HRH2: variants seen among roughly 807,000 people sequenced by gnomAD.
HRH2 encodes histamine receptor H2.
Under a neutral mutation model 20.1 loss-of-function variants are expected in HRH2, and 4 were observed. The observed-to-expected ratio is 0.20, with a 90% CI of 0.10 to 0.45. The LOEUF is 0.45. HRH2 is among the 20% of genes least tolerant of loss of function. The pLI, the probability that HRH2 is intolerant of heterozygous loss-of-function variation, is 0.99. For synonymous variants in HRH2, 197 were observed against 200.7 expected (o/e 0.98, Z 0.16); for missense variants, 250 against 461.6 (o/e 0.54, Z 4.20).
intron 1 of HRH2, among the ~76,000 whole-genome samples, 172 bp from the exon 2 acceptor site, chr5:175,682,537 C>G (rs564513736): frequency 4.6e-5 from 7 of 152,140 alleles, no homozygotes; most frequent in Non-Finnish European, 1.0e-4. Flanking sequence ...TCTGCCTCCC[C>G]AGTATGTATC....
At chr5:175,688,379 C>T (rs1367046180) in intron 2 of HRH2, among the ~76,000 whole-genome samples, 1 of 152,174 alleles carries the variant, frequency 6.6e-6, no homozygotes, top group Non-Finnish European at 1.5e-5. Context: ...CCTTTCCTGC[C>T]ACCTCCCCAG....
intron 1 of HRH2, among the ~76,000 whole-genome samples, chr5:175,682,216 G>A (rs2067474): frequency 0.083 from 12,590 of 152,256 alleles, 896 homozygotes; most frequent in African/African-American, 0.18. Context: ...AAAGTTTGTC[G>A]GCCACCGCCT....
In HRH2 at chr5:175,693,056, C is replaced by T. The variant is rs1756441714; in HGVS notation, c.1076+8747C>T. The stretch of plus-strand genomic sequence containing the variant: ...GACCAGACCAGACTTTCTCATTCCC[C>T]TGCCACAGATTGGCTGTGTGAGCTT... On this transcript the variant is annotated intron_variant, in intron 2 of 2. Coordinates refer to ENST00000636584, the MANE Select transcript of HRH2 (RefSeq NM_001367711.1). This position sits in a 1 kb window ranked among gnomAD's most constrained non-coding sequence, Gnocchi z 4.4. Among the ~76,000 whole-genome samples, 1 of 152,222 alleles carries T rather than the reference C, an allele frequency of 6.6e-6. No individual in the cohort carries two copies. The highest frequency in any genetic ancestry group is 6.5e-5 in the Admixed American group (1 of 15,284).
At chr5:175,671,498 G>GCTA (rs1203088576) in intron 1 of HRH2, among the ~76,000 whole-genome samples, 1 of 152,184 alleles carries the variant, frequency 6.6e-6, no homozygotes, top group Non-Finnish European at 1.5e-5. Context: ...GGCCACAGCT[G>GCTA]CTACTGATGG....
At chr5:175,679,496 C>A (rs529097052) in intron 1 of HRH2, among the ~76,000 whole-genome samples, 1 of 152,334 alleles carries the variant, frequency 6.6e-6, no homozygotes, top group South Asian at 2.1e-4. Flanking sequence ...ACAGCATGTG[C>A]AAAGGCACAG....
chr5:175,688,950 G>A (rs185116879), intron 2 of HRH2, among the ~76,000 whole-genome samples: 2 of 152,096 alleles, frequency 1.3e-5, no homozygotes, highest in Non-Finnish European at 2.9e-5. Context: ...CCCAGTCTCC[G>A]GGCGTGGCCC....
chr5:175,700,955 G>A (rs1756772243), intron 2 of HRH2, among the ~76,000 whole-genome samples: 1 of 152,194 alleles, frequency 6.6e-6, no homozygotes, highest in Admixed American at 6.5e-5. Context: ...GGAATTTAAA[G>A]CAGTGGGAAT....
chr5:175,658,703 G>T (rs1427423483), intron 1 of HRH2, among the ~76,000 whole-genome samples: 2 of 150,838 alleles, frequency 1.3e-5, no homozygotes, highest in Non-Finnish European at 2.9e-5. Flanking sequence ...CTGGGCTGCC[G>T]CCCGCTGCCG....
Position 175,684,016 on chromosome 5 carries a change from G to A in HRH2, c.783G>A (p.Gly261=). 6.2e-7 allele frequency: 1 copy of A among 1,614,170 alleles called. No individual in the cohort carries two copies. Among genetic ancestry groups the A allele is most frequent in the East Asian group, 2.2e-5 (1 of 44,880 alleles). The change falls in exon 2 of 3, where the codon GGG becomes GGA. Residue 261 remains glycine (G), a synonymous_variant. Coordinates refer to ENST00000636584, the MANE Select transcript of HRH2 (RefSeq NM_001367711.1). ...CGTTTGTGTACCGTGGGCTGAGAGG[G>A]GATGATGCCATCAATGAGGTGTTAG... The part of the protein sequence containing the change: ...FTAFVYRGLR[G]DDAINEVLEA...
At chr5:175,685,489 A>T (rs950917469) in intron 2 of HRH2, 1 of 1,549,118 alleles carries the variant, frequency 6.5e-7, no homozygotes, top group African/African-American at 1.4e-5. Flanking sequence ...TCATTTGCAA[A>T]CATTCATCCA....
chr5:175,691,888 A>T (rs1329503823), intron 2 of HRH2, among the ~76,000 whole-genome samples: 1 of 151,868 alleles, frequency 6.6e-6, no homozygotes, highest in Non-Finnish European at 1.5e-5. Flanking sequence ...AAAAGAGAAA[A>T]AAAAAAGGAG....
intron 1 of HRH2, among the ~76,000 whole-genome samples, chr5:175,661,993 G>T (rs1263099706): frequency 6.6e-6 from 1 of 152,066 alleles, no homozygotes; most frequent in Non-Finnish European, 1.5e-5. Context: ...CTGCACTCCA[G>T]CCTGGGTGAC....
At chr5:175,668,925 AG>A (rs1755414338) in intron 1 of HRH2, among the ~76,000 whole-genome samples, 1 of 152,180 alleles carries the variant, frequency 6.6e-6, no homozygotes, top group African/African-American at 2.4e-5. Context: ...CACGGAACAA[AG>A]TGTGACAATG....
At chr5:175,698,934 C>T (rs1756703031) in intron 2 of HRH2, among the ~76,000 whole-genome samples, 1 of 152,208 alleles carries the variant, frequency 6.6e-6, no homozygotes, top group African/African-American at 2.4e-5. Flanking sequence ...TGCCTGTTAG[C>T]GCAGGATGAA....
chr5:175,676,734 T>C (rs771789118), intron 1 of HRH2, among the ~76,000 whole-genome samples: 2 of 152,202 alleles, frequency 1.3e-5, no homozygotes, highest in Non-Finnish European at 2.9e-5. Context: ...ACCCACCTCC[T>C]CACCCTTCAG....
rs1329987905 is a variant in HRH2 at position 175,693,212 on chromosome 5, A to G, written c.1076+8903A>G. 6.6e-6 allele frequency among the ~76,000 whole-genome samples: 1 copy of G among 152,196 alleles called. No individual in the cohort carries two copies. The highest frequency in any genetic ancestry group is 1.5e-5 in the Non-Finnish European group (1 of 68,026). ...GGCTCCCTGTTTTGGGGGCTTCATTACGCTCGCAGTGGCTGTTTGTGGCAG... is the reference window on the plus strand; with the variant it reads ...GGCTCCCTGTTTTGGGGGCTTCATTGCGCTCGCAGTGGCTGTTTGTGGCAG... On this transcript the variant is annotated intron_variant, in intron 2 of 2. Transcript: ENST00000636584. This position sits in a 1 kb window ranked among gnomAD's most constrained non-coding sequence, Gnocchi z 4.4.
At chr5:175,678,275 T>C (rs539494185) in intron 1 of HRH2, among the ~76,000 whole-genome samples, 41 of 152,314 alleles carry the variant, frequency 2.7e-4, no homozygotes, top group African/African-American at 9.1e-4. Flanking sequence ...GTATGTGTCA[T>C]GCACATGAAT....
At chr5:175,702,718 A>ATTTTTTTTTT (rs778509797) in intron 2 of HRH2, among the ~76,000 whole-genome samples, 6 of 139,750 alleles carry the variant, frequency 4.3e-5, no homozygotes, top group African/African-American at 1.7e-4. Flanking sequence ...CGCCTGGCTA[A>ATTTTTTTTTT]TTTTTTCTTT....
chr5:175,698,791 G>A (rs893325026), intron 2 of HRH2, among the ~76,000 whole-genome samples: 1 of 152,222 alleles, frequency 6.6e-6, no homozygotes, highest in South Asian at 2.1e-4. Flanking sequence ...GTTAAGGCCT[G>A]TGACTGACAA....
Sources: allele counts gnomAD v4.1 joint callset (sites outside exome capture counted in the v4.1 genomes callset), GRCh38; gene constraint gnomAD v4.1.1; non-coding constraint Gnocchi (gnomAD v3.1); transcripts MANE v1.5; gene names NCBI Gene and HGNC (gene_info 2026-07-23, HGNC 2026-07-21).